GLB1: variants seen among roughly 807,000 people sequenced by gnomAD.
The protein encoded by GLB1 is galactosidase beta 1, also known as beta-galactosidase.
GLB1 carries 56 observed loss-of-function variants against 74.0 expected under a neutral mutation model. That is an observed-to-expected ratio of 0.76 (90% confidence interval 0.61 to 0.94). The LOEUF (loss-of-function observed/expected upper bound fraction) is 0.94, where lower values mean the gene tolerates loss of function less well. Ranked by LOEUF, GLB1 falls within the 40% of genes least tolerant of loss-of-function variation. The pLI, the probability that GLB1 is intolerant of heterozygous loss-of-function variation, is 0.00. For missense variants in GLB1, 787 were observed against 845.5 expected, an observed-to-expected ratio of 0.93 and a Z score of 0.86; for synonymous variants, 323 against 323.6, an observed-to-expected ratio of 1.00 and a Z score of 0.02.
At chr3:32,997,516 T>C (rs1696360874) in intron 15 of GLB1, among the ~76,000 whole-genome samples, 172 bp from the exon 16 acceptor site, 1 of 152,148 alleles carries the variant, frequency 6.6e-6, no homozygotes, top group Non-Finnish European at 1.5e-5. Context: ...CTTGCTGGGA[T>C]AACTGGCCAA....
At chr3:32,973,780 T>C in the GLB1 span, among the ~76,000 whole-genome samples, 1 of 152,142 alleles carries the variant, frequency 6.6e-6, no homozygotes, top group African/African-American at 2.4e-5. Context: ...AAATTGTACA[T>C]CAATGAAAAA....
the GLB1 span, among the ~76,000 whole-genome samples, chr3:32,963,609 G>A: frequency 7.0e-6 from 1 of 143,162 alleles, no homozygotes; most frequent in Non-Finnish European, 1.5e-5. Flanking sequence ...CTATATGGTT[G>A]AAATGCTTAA....
At chr3:33,045,719 T>A (rs1698712929) in intron 10 of GLB1, 1 of 1,124,738 alleles carries the variant, frequency 8.9e-7, no homozygotes, top group African/African-American at 1.6e-5. Context: ...GGGGCTATAG[T>A]CTCAAGAGGA....
chr3:33,077,353 A>G lies in GLB1; in HGVS notation c.76-4640T>C. The G allele has an allele frequency of 2.1e-6, 3 of 1,457,658 alleles. No individual in the cohort carries two copies. In the Admixed American group the frequency reaches 5.1e-5, roughly 25 times the overall value. The allele number at this position is 1,457,658 out of a possible 1,614,324, so 90.3% of individuals were successfully genotyped here. ...AACTAATGAAAGCCTGTTGTGAACG[A>G]TAGGGATGGTCAATGAGACAGATCA... On this transcript the variant is annotated intron_variant, in intron 1 of 15. Coordinates refer to ENST00000307363, the MANE Select transcript of GLB1 (RefSeq NM_000404.4).
At chr3:33,060,543 G>A (rs1352667914) in intron 5 of GLB1, among the ~76,000 whole-genome samples, 2 of 152,142 alleles carry the variant, frequency 1.3e-5, no homozygotes, top group Non-Finnish European at 2.9e-5. Flanking sequence ...TGGTCTCACA[G>A]CCTCTGTACC....
intron 1 of GLB1, among the ~76,000 whole-genome samples, chr3:33,095,991 T>C (rs1701008320): frequency 6.6e-6 from 1 of 152,216 alleles, no homozygotes; most frequent in South Asian, 2.1e-4. Context: ...TCCAAATACT[T>C]AAGATGTTCA....
intron 12 of GLB1, among the ~76,000 whole-genome samples, chr3:33,020,796 G>A (rs1301016927): frequency 1.3e-5 from 2 of 152,144 alleles, no homozygotes; most frequent in African/African-American, 4.8e-5. Context: ...ATTGTATTGT[G>A]GTTCTGCAGG....
At position 33,051,888 on chromosome 3, in the gene GLB1, C is replaced by T. The variant is rs1575451771; in HGVS notation, c.909G>A (p.Val303=). 2.5e-6 allele frequency: 4 copies of T among 1,614,234 alleles called. No homozygotes were observed. The African/African-American group carries it at 5.3e-5, about 22-fold the overall frequency. ...CTCAGGCAATGAACACTCACAAGTTCACACTCGCCCCACGGGCAAGTATAT... is the reference window on the plus strand; with the variant it reads ...CTCAGGCAATGAACACTCACAAGTTTACACTCGCCCCACGGGCAAGTATAT... ...LYDILARGAS[V]NLYMFIGGTN... The change falls in exon 8 of 16, where the codon GTG becomes GTA. Residue 303 remains valine, a synonymous_variant. Coordinates refer to ENST00000307363, the MANE Select transcript of GLB1 (RefSeq NM_000404.4).
At chr3:33,016,959 A>C in intron 13 of GLB1, 119 bp from the exon 14 acceptor site, 1 of 1,492,078 alleles carries the variant, frequency 6.7e-7, no homozygotes. Flanking sequence ...CCAGACTTGG[A>C]AAGAAATGCT....
At chr3:33,031,498 G>T (rs1698006133) in intron 10 of GLB1, among the ~76,000 whole-genome samples, 1 of 149,382 alleles carries the variant, frequency 6.7e-6, no homozygotes, top group Admixed American at 6.7e-5. Flanking sequence ...ACAAAAATTA[G>T]CCACGTGCAT....
chr3:33,029,277 C>G (rs1220058113), intron 10 of GLB1, among the ~76,000 whole-genome samples: 5 of 152,212 alleles, frequency 3.3e-5, no homozygotes, highest in African/African-American at 1.2e-4. Context: ...TGTTGCTTCT[C>G]ATACTTAACC....
intron 15 of GLB1, among the ~76,000 whole-genome samples, chr3:33,008,755 G>A (rs954570018): frequency 3.3e-5 from 5 of 152,170 alleles, no homozygotes; most frequent in African/African-American, 1.2e-4. Flanking sequence ...ATTCTACATG[G>A]AGGAGGAATG....
At chr3:33,050,951 A>G (rs1338164318) in intron 9 of GLB1, among the ~76,000 whole-genome samples, 1 of 152,192 alleles carries the variant, frequency 6.6e-6, no homozygotes, top group Non-Finnish European at 1.5e-5. Context: ...TATTTTGTCC[A>G]GGCGCAGTGG....
At chr3:33,070,206 A>G (rs1395728067) in intron 2 of GLB1, among the ~76,000 whole-genome samples, 1 of 152,178 alleles carries the variant, frequency 6.6e-6, no homozygotes, top group Non-Finnish European at 1.5e-5. Context: ...AGTTAAATAA[A>G]TTTCTGACAT....
the GLB1 span, among the ~76,000 whole-genome samples, chr3:32,981,310 G>A: frequency 7.0e-6 from 1 of 143,068 alleles, no homozygotes; most frequent in Admixed American, 7.4e-5. Context: ...GGCTGAGGCC[G>A]AATCACTTGA....
intron 10 of GLB1, among the ~76,000 whole-genome samples, chr3:33,031,667 ATATATAT>A (rs1456780874): frequency 1.5e-5 from 2 of 130,992 alleles, no homozygotes; most frequent in African/African-American, 2.8e-5. Flanking sequence ...ATATATATAT[ATATATAT>A]AATCTCCACT....
chr3:33,081,439 G>T (rs1575486538), intron 1 of GLB1, among the ~76,000 whole-genome samples: 1 of 152,310 alleles, frequency 6.6e-6, no homozygotes, highest in Non-Finnish European at 1.5e-5. Flanking sequence ...TGCCAGGACT[G>T]CCTTGGCATC....
intron 14 of GLB1, among the ~76,000 whole-genome samples, chr3:33,015,563 T>A (rs1442613897): frequency 6.6e-6 from 1 of 152,156 alleles, no homozygotes; most frequent in African/African-American, 2.4e-5. Flanking sequence ...AATAATTTGA[T>A]AAATATTAAC....
At chr3:32,998,277 G>C (rs1430156051) in intron 15 of GLB1, among the ~76,000 whole-genome samples, 1 of 152,230 alleles carries the variant, frequency 6.6e-6, no homozygotes, top group East Asian at 1.9e-4. Context: ...GGAGGCCAAG[G>C]CAGGCAGATC....
Sources: allele counts gnomAD v4.1 joint callset (sites outside exome capture counted in the v4.1 genomes callset), GRCh38; gene constraint gnomAD v4.1.1; transcripts MANE v1.5; gene names NCBI Gene and HGNC (gene_info 2026-07-23, HGNC 2026-07-21).